The following USP10 variants were observed in gnomAD, a reference collection of about 807,000 sequenced individuals.
USP10 encodes the protein ubiquitin specific peptidase 10.
In USP10, 22 loss-of-function variants were observed where a neutral mutation model predicts 84.5. The ratio of observed to expected loss-of-function variants is 0.26; its 90% CI spans 0.19 to 0.37. USP10 has a LOEUF of 0.37. Ranked by LOEUF, USP10 falls within the 10% of genes least tolerant of loss-of-function variation. USP10 has a pLI of 1.00. For missense variants in USP10, 1,019 were observed against 998.9 expected (o/e 1.02, Z -0.27); for synonymous variants, 454 against 387.6 (o/e 1.17, Z -2.01).
chr16:84,747,994 A>C (rs1435193694), intron 4 of USP10, among the ~76,000 whole-genome samples: 1 of 151,618 alleles, frequency 6.6e-6, no homozygotes, highest in Non-Finnish European at 1.5e-5. Context: ...CTACTAAAAA[A>C]AACCTAAAAA....
rs181007321 is a variant in USP10 at position 84,711,882 on chromosome 16, G to C, written c.21+11771G>C. ...TTACAGGTGCGTGCCACCATGGCTG[G>C]CTAATTTTTGTATTTTTAGCAGAGA... On this transcript the variant is annotated intron_variant, in intron 1 of 13. Transcript: ENST00000219473. 3.9e-5 allele frequency among the ~76,000 whole-genome samples: 6 copies of C among 152,158 alleles called. No homozygotes were observed. The East Asian group carries it at 1.2e-3, about 29-fold the overall frequency.
chr16:84,735,131 G>GT (rs1045065145), intron 2 of USP10, among the ~76,000 whole-genome samples: 5 of 151,666 alleles, frequency 3.3e-5, no homozygotes, highest in Non-Finnish European at 7.4e-5. Context: ...CCCCGCCTCA[G>GT]GGGGGTTCTC....
chr16:84,779,228 G>A lies in USP10; in HGVS notation c.*146G>A. On this transcript the variant is annotated 3_prime_UTR_variant, in exon 14 of 14. Transcript: ENST00000219473. ...GCTAGAATGAAAAGGAGATGCCTTGGGGTTCGTGCACAACACAGCTTCTGT... is the reference window on the plus strand; with the variant it reads ...GCTAGAATGAAAAGGAGATGCCTTGAGGTTCGTGCACAACACAGCTTCTGT... 3 of 896,804 alleles carry A rather than the reference G, an allele frequency of 3.3e-6. No individual in the cohort carries two copies. Among genetic ancestry groups the A allele is most frequent in the Non-Finnish European group, 3.3e-6 (2 of 605,586 alleles). The allele number at this position is 896,804 out of a possible 1,614,324, so 55.6% of individuals were successfully genotyped here.
chr16:84,723,134 A>C (rs1201884049), intron 1 of USP10, among the ~76,000 whole-genome samples: 1 of 146,926 alleles, frequency 6.8e-6, no homozygotes, highest in Non-Finnish European at 1.5e-5. Context: ...ATACCTTCTG[A>C]TCACATCCAG....
intron 2 of USP10, among the ~76,000 whole-genome samples, chr16:84,736,338 A>T (rs904232792): frequency 2.6e-5 from 4 of 152,244 alleles, no homozygotes; most frequent in Non-Finnish European, 4.4e-5. Flanking sequence ...ATGAAAGAGC[A>T]TTCTGCCTTC....
intron 1 of USP10, among the ~76,000 whole-genome samples, chr16:84,730,110 C>T (rs1597319967): frequency 2.0e-5 from 3 of 152,138 alleles, no homozygotes; most frequent in South Asian, 4.2e-4. Flanking sequence ...AGGAAATCCC[C>T]TCCACTCCTG....
chr16:84,769,939 T>C (rs1043068503), intron 11 of USP10, among the ~76,000 whole-genome samples: 1 of 152,140 alleles, frequency 6.6e-6, no homozygotes, highest in East Asian at 1.9e-4. Flanking sequence ...CAGGTTTGGA[T>C]GAAGGCTTCC....
chr16:84,746,715 C>T (rs1483396570), intron 4 of USP10, among the ~76,000 whole-genome samples: 1 of 152,028 alleles, frequency 6.6e-6, no homozygotes, highest in African/African-American at 2.4e-5. Flanking sequence ...TGAGCAAAGC[C>T]GAGTTTTATA....
At chr16:84,705,121 A>C (rs963840496) in intron 1 of USP10, among the ~76,000 whole-genome samples, 2 of 152,182 alleles carry the variant, frequency 1.3e-5, no homozygotes, top group African/African-American at 4.8e-5. Flanking sequence ...CTGGAGGGAC[A>C]TCTCCTTAAG....
At chr16:84,730,383 C>G (rs999478048) in intron 1 of USP10, among the ~76,000 whole-genome samples, 1 of 151,846 alleles carries the variant, frequency 6.6e-6, no homozygotes, top group Admixed American at 6.6e-5. Context: ...CTAGTTAATT[C>G]TGTAATTTGA....
intron 1 of USP10, among the ~76,000 whole-genome samples, chr16:84,730,564 T>A (rs1379954342): frequency 6.6e-6 from 1 of 152,226 alleles, no homozygotes; most frequent in Non-Finnish European, 1.5e-5. Flanking sequence ...TTCCAGCTCA[T>A]GACTTGAGGG....
intron 2 of USP10, among the ~76,000 whole-genome samples, chr16:84,734,388 A>G (rs552099505): frequency 3.9e-5 from 6 of 152,242 alleles, no homozygotes; most frequent in Admixed American, 2.0e-4. Context: ...GCTGGGTACT[A>G]TTTCATTCTC....
At chr16:84,766,040 C>T (rs1913822259) in intron 10 of USP10, among the ~76,000 whole-genome samples, 2 of 152,048 alleles carry the variant, frequency 1.3e-5, no homozygotes, top group African/African-American at 4.8e-5. Flanking sequence ...ATTTCAGTGA[C>T]ACTCTTAGTC....
chr16:84,726,376 T>C (rs144175086), intron 1 of USP10, among the ~76,000 whole-genome samples: 52 of 152,362 alleles, frequency 3.4e-4, no homozygotes, highest in African/African-American at 1.2e-3. Context: ...GGAATGTGTC[T>C]TTATTGCTGA....
intron 3 of USP10, among the ~76,000 whole-genome samples, chr16:84,742,956 T>G (rs1044037900): frequency 2.2e-4 from 34 of 152,204 alleles, no homozygotes; most frequent in Non-Finnish European, 4.1e-4. Context: ...TTGCATAAGC[T>G]GAATGACACA....
intron 13 of USP10, among the ~76,000 whole-genome samples, chr16:84,776,696 C>T (rs746883009): frequency 3.3e-5 from 5 of 152,196 alleles, no homozygotes; most frequent in Non-Finnish European, 5.9e-5. Context: ...AGGGATTGCT[C>T]CTCTCCTGGT....
chr16:84,770,702 G>A (rs959557790), intron 11 of USP10, among the ~76,000 whole-genome samples: 2 of 151,712 alleles, frequency 1.3e-5, no homozygotes, highest in Admixed American at 6.6e-5. Flanking sequence ...AACCTGGGAG[G>A]CGGAGCTTGC....
chr16:84,720,622 C>T (rs1907666719), intron 1 of USP10, among the ~76,000 whole-genome samples: 2 of 116,218 alleles, frequency 1.7e-5, no homozygotes, highest in Admixed American at 2.3e-4. Flanking sequence ...CGCTGTGTTG[C>T]CCAGGCTGGA....
chr16:84,772,041 A>G (rs1016249889), intron 11 of USP10, among the ~76,000 whole-genome samples: 2 of 151,836 alleles, frequency 1.3e-5, no homozygotes, highest in Non-Finnish European at 2.9e-5. Context: ...GAACGTATGC[A>G]TTTTTCTTCT....
Sources: gnomAD v4.1 joint callset for allele counts (sites outside exome capture counted in the v4.1 genomes callset) on GRCh38, gnomAD v4.1.1 for gene constraint, MANE v1.5 for transcripts, NCBI Gene and HGNC (gene_info 2026-07-23, HGNC 2026-07-21) for gene names.